The following GRM3 variants were observed in gnomAD, a reference collection of about 807,000 sequenced individuals.
GRM3 encodes glutamate metabotropic receptor 3, also known as metabotropic glutamate receptor 3.
GRM3 carries 26 observed loss-of-function variants against 70.5 expected under a neutral mutation model. That is an observed-to-expected ratio of 0.37 (90% confidence interval 0.27 to 0.51). The LOEUF (loss-of-function observed/expected upper bound fraction) is 0.51, where lower values mean the gene tolerates loss of function less well. Ranked by LOEUF, GRM3 falls within the 20% of genes least tolerant of loss-of-function variation. GRM3 has a pLI of 0.93. For missense variants in GRM3, 859 were observed against 1,123.8 expected (o/e 0.76, Z 3.37); for synonymous variants, 443 against 434.9 (o/e 1.02, Z -0.23).
intron 3 of GRM3, among the ~76,000 whole-genome samples, chr7:86,793,260 G>C (rs1289771091): frequency 6.6e-6 from 1 of 152,124 alleles, no homozygotes; most frequent in Non-Finnish European, 1.5e-5. Context: ...CACAGGCCAG[G>C]AAGGGCAGAT....
chr7:86,826,855 C>T (rs1421082858), intron 3 of GRM3, among the ~76,000 whole-genome samples: 1 of 152,138 alleles, frequency 6.6e-6, no homozygotes. Flanking sequence ...GCAATTCCCC[C>T]GCCCCCTTGG....
At chr7:86,744,696 A>G (rs1353651329) in intron 1 of GRM3, among the ~76,000 whole-genome samples, 3 of 152,086 alleles carry the variant, frequency 2.0e-5, no homozygotes, top group African/African-American at 7.2e-5. Flanking sequence ...CAGCATTCTG[A>G]TGCATGAACA....
At chr7:86,713,244 T>A (rs1421732349) in intron 1 of GRM3, among the ~76,000 whole-genome samples, 1 of 152,104 alleles carries the variant, frequency 6.6e-6, no homozygotes, top group African/African-American at 2.4e-5. Context: ...ATGTATATAT[T>A]TTCATATACC....
At chr7:86,716,133 C>G (rs529922410) in intron 1 of GRM3, among the ~76,000 whole-genome samples, 1 of 152,070 alleles carries the variant, frequency 6.6e-6, no homozygotes, top group African/African-American at 2.4e-5. Context: ...TAAAGATCCT[C>G]AAATGTATTC....
At chr7:86,657,411 G>A (rs1793774614) in intron 1 of GRM3, among the ~76,000 whole-genome samples, 1 of 152,174 alleles carries the variant, frequency 6.6e-6, no homozygotes, top group Non-Finnish European at 1.5e-5. Flanking sequence ...ATTTACTTCT[G>A]TCCTGGGCTC....
At position 86,785,685 on chromosome 7, in the gene GRM3, ATTTTTTTTTTTT is replaced by A. The variant is rs749456155; in HGVS notation, c.469-554_469-543del. Among the ~76,000 whole-genome samples, 22 of 65,234 alleles carry A rather than the reference ATTTTTTTTTTTT, an allele frequency of 3.4e-4. 1 individual carries two copies. The highest frequency in any genetic ancestry group is 8.3e-4 in the African/African-American group (15 of 18,004). The allele number at this position is 65,234 out of a possible 152,430, so 42.8% of individuals were successfully genotyped here. Reference sequence around the variant, plus strand: ...TTGGGTGGTGGACTAAATAGAATTGATTTTTTTTTTTTTTTTTTTTTTTTTTTTTTTTTGCTT... The same window carrying A: ...TTGGGTGGTGGACTAAATAGAATTGATTTTTTTTTTTTTTTTTTTTTGCTT... On this transcript the variant is annotated intron_variant, in intron 2 of 5. Transcript: ENST00000361669.
intron 5 of GRM3, among the ~76,000 whole-genome samples, chr7:86,853,292 T>C (rs768992306): frequency 5.9e-5 from 9 of 152,218 alleles, no homozygotes; most frequent in South Asian, 2.1e-4. Flanking sequence ...AAAATGTATT[T>C]ATTTCTATAG....
At chr7:86,724,552 A>G (rs1013379967) in intron 1 of GRM3, among the ~76,000 whole-genome samples, 15 of 152,134 alleles carry the variant, frequency 9.9e-5, no homozygotes, top group Admixed American at 5.2e-4. Flanking sequence ...CAACTGTCCC[A>G]TGGTTGGAAA....
At chr7:86,645,120 C>G in intron 1 of GRM3, 1 of 343,264 alleles carries the variant, frequency 2.9e-6, no homozygotes. Context: ...GATCTGCGGC[C>G]AGGGTGCGAG....
intron 2 of GRM3, among the ~76,000 whole-genome samples, chr7:86,766,651 T>C (rs1796607238): frequency 6.6e-6 from 1 of 152,192 alleles, no homozygotes; most frequent in Admixed American, 6.5e-5. Context: ...TACTTCTGTG[T>C]TCTTTTAACT....
chr7:86,839,207 C>T lies in GRM3; in HGVS notation c.1693C>T (p.Leu565Phe), dbSNP rs774791792. 1.3e-5 allele frequency: 21 copies of T among 1,613,830 alleles called. No individual in the cohort carries two copies. The highest frequency in any genetic ancestry group is 1.7e-5 in the Non-Finnish European group (20 of 1,179,698). ...PTADLTGCYDLPEDYIRWEDA... is the reference protein window; with the variant it reads ...PTADLTGCYDFPEDYIRWEDA... ...TGCAGACCTAACTGGATGCTATGAC[C>T]TTCCTGAGGACTACATCAGGTGGGA... The change falls in exon 4 of 6, where the codon CTT becomes TTT. Residue 565 changes from leucine (L) to phenylalanine (F), a missense_variant. Coordinates refer to ENST00000361669, the MANE Select transcript of GRM3 (RefSeq NM_000840.3). This position sits in a 1 kb window ranked among gnomAD's most constrained non-coding sequence, Gnocchi z 4.5.
At chr7:86,852,380 G>T (rs1798770948) in intron 5 of GRM3, among the ~76,000 whole-genome samples, 1 of 152,038 alleles carries the variant, frequency 6.6e-6, no homozygotes, top group Admixed American at 6.6e-5. Context: ...GCATATGCTG[G>T]GAATTAACAA....
intron 3 of GRM3, among the ~76,000 whole-genome samples, chr7:86,810,612 T>C (rs1390972447): frequency 6.6e-6 from 1 of 151,970 alleles, no homozygotes; most frequent in Non-Finnish European, 1.5e-5. Flanking sequence ...TGGCTTTGCA[T>C]AGAGGTAACT....
chr7:86,719,683 C>G (rs2189812), intron 1 of GRM3, among the ~76,000 whole-genome samples: 119,547 of 151,970 alleles, frequency 0.79, 47,637 homozygotes, highest in East Asian at 0.93. Context: ...CAAGGAGTGA[C>G]AAAGACAAAT....
At chr7:86,861,534 G>T (rs1798958595) in intron 5 of GRM3, among the ~76,000 whole-genome samples, 1 of 152,204 alleles carries the variant, frequency 6.6e-6, no homozygotes, top group African/African-American at 2.4e-5. Context: ...TAAGTGGCCT[G>T]ATGACTACCT....
intron 4 of GRM3, 35 bp from the exon 5 acceptor site, chr7:86,850,335 C>G: frequency 1.3e-6 from 2 of 1,531,908 alleles, no homozygotes; most frequent in Non-Finnish European, 1.8e-6. Context: ...ACTGAATGTA[C>G]AGCCAGACAC....
chr7:86,757,881 C>T (rs1001848230), intron 1 of GRM3, among the ~76,000 whole-genome samples: 7 of 151,986 alleles, frequency 4.6e-5, no homozygotes, highest in African/African-American at 1.7e-4. Flanking sequence ...AATATCTGTA[C>T]TTGACTTCTC....
chr7:86,674,745 T>C (rs1041551800), intron 1 of GRM3, among the ~76,000 whole-genome samples: 2 of 152,112 alleles, frequency 1.3e-5, no homozygotes, highest in Non-Finnish European at 2.9e-5. Flanking sequence ...TACTCCTTAC[T>C]CATATATGAT....
chr7:86,822,813 C>A (rs928592808), intron 3 of GRM3, among the ~76,000 whole-genome samples: 11 of 152,248 alleles, frequency 7.2e-5, no homozygotes, highest in Admixed American at 1.3e-4. Context: ...CCATATCAAT[C>A]TCTGGATGAT....
Sources: gnomAD v4.1 joint callset for allele counts (sites outside exome capture counted in the v4.1 genomes callset) on GRCh38, gnomAD v4.1.1 for gene constraint, Gnocchi (gnomAD v3.1) non-coding constraint, MANE v1.5 for transcripts, NCBI Gene and HGNC (gene_info 2026-07-23, HGNC 2026-07-21) for gene names.